Variants in FAM98B observed in about 807,000 individuals in gnomAD.
FAM98B encodes tRNA splicing ligase complex subunit 3B.
FAM98B carries 32 observed loss-of-function variants against 43.9 expected under a neutral mutation model. The observed-to-expected ratio is 0.73, with a 90% CI of 0.55 to 0.98. The LOEUF (loss-of-function observed/expected upper bound fraction) is 0.98. Ranked by LOEUF, FAM98B falls within the 50% of genes least tolerant of loss-of-function variation. The pLI is 0.00. For missense variants in FAM98B, 514 were observed against 522.9 expected (o/e 0.98, Z 0.17); for synonymous variants, 190 against 174.0 (o/e 1.09, Z -0.72).
In FAM98B at chr15:38,484,412, G is replaced by C; in HGVS notation, c.1055G>C (p.Gly352Ala). The C allele has an allele frequency of 1.0e-6, 1 of 953,664 alleles. No individual in the cohort carries two copies. The highest frequency in any genetic ancestry group is 1.3e-6 in the Non-Finnish European group (1 of 783,620). 59.1% of individuals were successfully genotyped at this position (953,664 alleles called of 1,614,324 possible). A position where few individuals can be genotyped will look rare whatever the true frequency, so the allele number is the denominator to read the frequency against. The change falls in exon 8 of 8, where the codon GGT becomes GCT. Residue 352 changes from glycine to alanine, a missense_variant. Physicochemically the swap from Gly to Ala is moderately conservative, Grantham distance 60. Transcript: ENST00000397609. ...GGGGGRGGGG[G>A]GGGRGGWGGG... Reference sequence around the variant, plus strand: ...GGTGGTGGTAGAGGAGGTGGTGGGGGTGGGGGTGGGAGAGGTGGCTGGGGG... The same window carrying C: ...GGTGGTGGTAGAGGAGGTGGTGGGGCTGGGGGTGGGAGAGGTGGCTGGGGG...
chr15:38,463,963 A>G (rs1889989586), intron 1 of FAM98B, 69 bp from the exon 2 acceptor site: 1 of 1,422,102 alleles, frequency 7.0e-7, no homozygotes, highest in Admixed American at 2.3e-5. Flanking sequence ...AGACCTTGAC[A>G]CAGAGTGTTG....
intron 6 of FAM98B, among the ~76,000 whole-genome samples, chr15:38,477,298 AT>A (rs936915610): frequency 2.7e-5 from 4 of 149,052 alleles, no homozygotes; most frequent in East Asian, 1.9e-4. Context: ...GATAAACCTC[AT>A]TTTTTTTTCC....
At chr15:38,457,908 G>A (rs1889875082) in intron 1 of FAM98B, among the ~76,000 whole-genome samples, 1 of 151,478 alleles carries the variant, frequency 6.6e-6, no homozygotes, top group South Asian at 2.1e-4. Context: ...TAAGGCATTT[G>A]TGAAAATAAA....
At chr15:38,471,297 T>A (rs989462105) in intron 4 of FAM98B, among the ~76,000 whole-genome samples, 5 of 151,884 alleles carry the variant, frequency 3.3e-5, no homozygotes, top group African/African-American at 7.2e-5. Context: ...ATTAAAAAAA[T>A]TTTTTTTGGT....
At chr15:38,477,550 C>T (rs1000148454) in intron 6 of FAM98B, among the ~76,000 whole-genome samples, 16 of 152,178 alleles carry the variant, frequency 1.1e-4, no homozygotes, top group Admixed American at 2.6e-4. Flanking sequence ...CCTTTCCAAA[C>T]ACCTGACAGA....
intron 1 of FAM98B, chr15:38,459,467 G>T: frequency 2.8e-6 from 1 of 350,880 alleles, no homozygotes; most frequent in Non-Finnish European, 5.6e-6. Flanking sequence ...AGGAGGGCTT[G>T]GAGACCAGGC....
At chr15:38,471,413 A>T (rs1890129115) in intron 4 of FAM98B, among the ~76,000 whole-genome samples, 1 of 152,062 alleles carries the variant, frequency 6.6e-6, no homozygotes, top group African/African-American at 2.4e-5. Flanking sequence ...CTCTGGATGA[A>T]GACTGATCTG....
At chr15:38,457,693 A>G (rs1166074922) in intron 1 of FAM98B, among the ~76,000 whole-genome samples, 1 of 152,168 alleles carries the variant, frequency 6.6e-6, no homozygotes, top group Non-Finnish European at 1.5e-5. Context: ...TGTAATGGCA[A>G]GAATAGAGGT....
chr15:38,484,870 T>A lies in FAM98B; in HGVS notation c.*211T>A. ...GTGATGACTTTTTCCATATTCTGTGTACCCTTGAGCATGTTGTGTCTTTTT... is the reference window on the plus strand; with the variant it reads ...GTGATGACTTTTTCCATATTCTGTGAACCCTTGAGCATGTTGTGTCTTTTT... On this transcript the variant is annotated 3_prime_UTR_variant, in exon 8 of 8. Coordinates refer to ENST00000397609, the MANE Select transcript of FAM98B (RefSeq NM_173611.4). 1.5e-6 allele frequency: 1 copy of A among 665,670 alleles called. No individual in the cohort carries two copies. The highest frequency in any genetic ancestry group is 2.2e-6 in the Non-Finnish European group (1 of 454,586). The allele number at this position is 665,670 out of a possible 1,614,324, so 41.2% of individuals were successfully genotyped here.
intron 3 of FAM98B, 42 bp downstream of exon 3, chr15:38,465,445 T>G: frequency 6.7e-7 from 1 of 1,498,102 alleles, no homozygotes; most frequent in Non-Finnish European, 8.9e-7. Context: ...TTTGACATGG[T>G]TTTTATTATT....
intron 2 of FAM98B, 116 bp from the exon 3 acceptor site, chr15:38,465,153 G>A (rs898032622): frequency 6.0e-6 from 6 of 991,994 alleles, no homozygotes; most frequent in Non-Finnish European, 8.6e-6. Flanking sequence ...CACATTTAAG[G>A]ATTTAATGTG....
intron 7 of FAM98B, chr15:38,482,528 T>G (rs1051468885): frequency 6.6e-6 from 1 of 152,224 alleles, no homozygotes; most frequent in Admixed American, 6.5e-5. Context: ...AAAGGCTGTT[T>G]TTTGGATTTG....
At position 38,487,640 on chromosome 15, in the gene FAM98B, G is replaced by T. The variant is rs1486330535; in HGVS notation, c.*2981G>T. The T allele has an allele frequency of 6.6e-6, 1 of 152,114 alleles. No homozygotes were observed. Among genetic ancestry groups the T allele is most frequent in the African/African-American group, 2.4e-5 (1 of 41,456 alleles). The allele number at this position is 152,114 out of a possible 1,614,324, so 9.4% of individuals were successfully genotyped here. On this transcript the variant is annotated 3_prime_UTR_variant, in exon 8 of 8. Transcript: ENST00000397609. ...ATTAGCTGGGGATTAAGGGAAAATT[G>T]TGGCTATGTCTGATCATTCTAAATA...
At position 38,484,695 on chromosome 15, in the gene FAM98B, T is replaced by C. The variant is rs958290242; in HGVS notation, c.*36T>C. On this transcript the variant is annotated 3_prime_UTR_variant, in exon 8 of 8. Transcript: ENST00000397609. ...AATTAGATAGCAGTGCTTGCTTCTT[T>C]ATAGATACATTAGAAATAGTGTTCC... 5.3e-6 allele frequency: 8 copies of C among 1,496,658 alleles called. No homozygotes were observed. In the African/African-American group the frequency reaches 1.2e-4, roughly 22 times the overall value. The allele number at this position is 1,496,658 out of a possible 1,614,324, so 92.7% of individuals were successfully genotyped here. A position where few individuals can be genotyped will look rare whatever the true frequency, so the allele number is the denominator to read the frequency against.
intron 1 of FAM98B, among the ~76,000 whole-genome samples, chr15:38,457,522 G>T (rs987788209): frequency 1.3e-5 from 2 of 152,180 alleles, no homozygotes; most frequent in African/African-American, 4.8e-5. Flanking sequence ...ATAAATAAGA[G>T]GTTGTGGTCA....
intron 6 of FAM98B, among the ~76,000 whole-genome samples, chr15:38,479,708 A>T (rs1176695396): frequency 6.6e-6 from 1 of 152,108 alleles, no homozygotes; most frequent in Non-Finnish European, 1.5e-5. Context: ...TTTAATTTTT[A>T]TATATAAATT....
chr15:38,472,468 GTTCT>G (rs1566899683), intron 4 of FAM98B, among the ~76,000 whole-genome samples: 1 of 151,940 alleles, frequency 6.6e-6, no homozygotes, highest in East Asian at 1.9e-4. Context: ...ATTTGCACAG[GTTCT>G]TTCTAAGCTA....
intron 3 of FAM98B, among the ~76,000 whole-genome samples, chr15:38,469,137 C>T (rs772212854): frequency 6.6e-6 from 1 of 152,072 alleles, no homozygotes; most frequent in Non-Finnish European, 1.5e-5. Flanking sequence ...AGCTTCTGAC[C>T]TCGGGTAATC....
rs546674050 is a variant in FAM98B at position 38,481,019 on chromosome 15, T to C, written c.730-273T>C. ...CTGTATGTGGTTTTGGTAAAACTAT[T>C]TTTTAGGTATTTTTTGTTAATATGT... is the stretch of plus-strand genomic sequence containing the variant. On this transcript the variant is annotated intron_variant, in intron 6 of 7. Transcript: ENST00000397609. Among the ~76,000 whole-genome samples the C allele has an allele frequency of 1.2e-4, 19 of 152,266 alleles. No individual in the cohort carries two copies. The East Asian group carries it at 3.5e-3, about 28-fold the overall frequency.
Sources: gnomAD v4.1 joint callset for allele counts (sites outside exome capture counted in the v4.1 genomes callset) on GRCh38, gnomAD v4.1.1 for gene constraint, MANE v1.5 for transcripts, NCBI Gene and HGNC (gene_info 2026-07-23, HGNC 2026-07-21) for gene names.